Variants in CREBBP observed in about 807,000 individuals in gnomAD.
CREBBP encodes CREB binding lysine acetyltransferase, also known as CREB-binding protein.
Under a neutral mutation model 265.0 loss-of-function variants are expected in CREBBP, and 19 were observed. The ratio of observed to expected loss-of-function variants is 0.07; its 90% CI spans 0.05 to 0.11. CREBBP has a LOEUF of 0.11. Among genes scored for constraint, CREBBP ranks in the 10% least tolerant of loss-of-function variants. The probability of loss-of-function intolerance (pLI) is 1.00; values close to 1 mark genes in which losing one functional copy is unlikely to be tolerated. For synonymous variants in CREBBP, 1,457 were observed against 1,223.7 expected (o/e 1.19, Z -3.98); for missense variants, 2,525 against 3,219.0 (o/e 0.78, Z 5.22).
At chr16:3,755,024 G>A (rs1236421609) in intron 19 of CREBBP, among the ~76,000 whole-genome samples, 4 of 152,304 alleles carry the variant, frequency 2.6e-5, no homozygotes, top group Admixed American at 6.5e-5. Flanking sequence ...GCCTGTGATC[G>A]TCTGAGGAAC....
intron 2 of CREBBP, among the ~76,000 whole-genome samples, chr16:3,825,030 T>A (rs922424057): frequency 1.3e-5 from 2 of 152,198 alleles, no homozygotes; most frequent in African/African-American, 4.8e-5. Context: ...AAGATCTCTT[T>A]GCAAAAATAG....
Position 3,771,006 on chromosome 16 carries a change from T to C in CREBBP, c.2464-20A>G, listed in dbSNP as rs1271141201. ...CTGTCCCTACCAGAAATGGACAGAG[T>C]ATGGTAAAATTATTTCCCCCGTTTG... On this transcript the variant is annotated intron_variant, in intron 13 of 30. Coordinates refer to ENST00000262367, the MANE Select transcript of CREBBP (RefSeq NM_004380.3). 6.2e-7 allele frequency: 1 copy of C among 1,611,706 alleles called. No homozygotes were observed. The highest frequency in any genetic ancestry group is 1.3e-5 in the African/African-American group (1 of 74,826).
rs1351179827 is a variant in CREBBP at position 3,744,877 on chromosome 16, A to G, written c.3982+17T>C. The stretch of plus-strand genomic sequence containing the variant: ...AAAATGTGCAGTCCAGGAAACAGAA[A>G]GCTTCCCGAAACTTACTCTTAGCAC... On this transcript the variant is annotated intron_variant, in intron 23 of 30. Coordinates refer to ENST00000262367, the MANE Select transcript of CREBBP (RefSeq NM_004380.3). The G allele has an allele frequency of 1.9e-6, 3 of 1,601,086 alleles. No homozygotes were observed. The highest frequency in any genetic ancestry group is 3.3e-5 in the Admixed American group (2 of 60,008).
At chr16:3,782,475 C>T (rs1429864224) in intron 6 of CREBBP, among the ~76,000 whole-genome samples, 2 of 152,232 alleles carry the variant, frequency 1.3e-5, no homozygotes, top group Non-Finnish European at 2.9e-5. Flanking sequence ...GCAACAAAAA[C>T]ATTGCTTCAT....
intron 23 of CREBBP, chr16:3,742,105 A>G (rs28532818): frequency 6.6e-6 from 1 of 152,134 alleles, no homozygotes; most frequent in Non-Finnish European, 1.5e-5. Flanking sequence ...AACAAAAAAA[A>G]AACAAAAAAA....
chr16:3,761,583 C>G (rs2052719178), intron 16 of CREBBP: 1 of 518,576 alleles, frequency 1.9e-6, no homozygotes, highest in Non-Finnish European at 3.9e-6. Context: ...CTTGACCAAC[C>G]TCCGCAGACA....
At chr16:3,737,339 C>T (rs1171959685) in intron 26 of CREBBP, among the ~76,000 whole-genome samples, 1 of 152,086 alleles carries the variant, frequency 6.6e-6, no homozygotes, top group Non-Finnish European at 1.5e-5. Context: ...TGCAGGGTTC[C>T]GTTTACACAA....
In CREBBP at chr16:3,726,197, G is replaced by GA. The variant is rs200431216; in HGVS notation, c.*1520dup. On this transcript the variant is annotated 3_prime_UTR_variant, in exon 31 of 31. Transcript: ENST00000262367. ...GGGGGGAAGTCAGAAAGCACCTCGC[G>GA]AGCCTGGAGCACTCTCTGCCTCAGA... 9.9e-3 allele frequency: 2,267 copies of GA among 228,846 alleles called. 35 individuals are homozygous for GA. The highest frequency in any genetic ancestry group is 0.055 in the South Asian group (299 of 5,442). The allele number at this position is 228,846 out of a possible 1,614,324, so 14.2% of individuals were successfully genotyped here.
intron 2 of CREBBP, among the ~76,000 whole-genome samples, chr16:3,831,901 G>A (rs1245004386): frequency 1.3e-5 from 2 of 152,008 alleles, no homozygotes; most frequent in African/African-American, 4.8e-5. Flanking sequence ...GGAGGCTGAC[G>A]TGGGAGAACT....
chr16:3,734,112 A>G (rs967723269), intron 28 of CREBBP, among the ~76,000 whole-genome samples: 1 of 152,072 alleles, frequency 6.6e-6, no homozygotes, highest in Non-Finnish European at 1.5e-5. Flanking sequence ...ATTCCTCACG[A>G]AGCTGGGACT....
intron 14 of CREBBP, among the ~76,000 whole-genome samples, chr16:3,769,939 C>A (rs1227171979): frequency 2.0e-5 from 3 of 151,858 alleles, no homozygotes; most frequent in East Asian, 3.9e-4. Context: ...GGCGCAATCT[C>A]GGCTCGATAC....
intron 2 of CREBBP, among the ~76,000 whole-genome samples, chr16:3,835,332 A>C (rs964399792): frequency 2.0e-5 from 3 of 152,092 alleles, no homozygotes; most frequent in Admixed American, 6.6e-5. Flanking sequence ...TTTCCATCCC[A>C]GATTGTTTTC....
At chr16:3,781,387 C>A (rs2053271221) in intron 6 of CREBBP, 81 bp from the exon 7 acceptor site, 6 of 1,104,602 alleles carry the variant, frequency 5.4e-6, no homozygotes, top group Non-Finnish European at 8.1e-6. Context: ...AACCAACATG[C>A]CACCATATAA....
intron 2 of CREBBP, among the ~76,000 whole-genome samples, chr16:3,816,248 TATCA>T (rs1383861608): frequency 1.3e-4 from 20 of 152,210 alleles, no homozygotes; most frequent in African/African-American, 4.6e-4. Context: ...TGACCAAGCG[TATCA>T]ATCAATTAAC....
chr16:3,852,955 T>C (rs1207026792), intron 1 of CREBBP, among the ~76,000 whole-genome samples: 6 of 150,266 alleles, frequency 4.0e-5, no homozygotes, highest in South Asian at 2.1e-4. Context: ...CTTAGTATTA[T>C]CTGTAGCATC....
At chr16:3,789,774 A>AT (rs2053465140) in intron 5 of CREBBP, among the ~76,000 whole-genome samples, 1 of 152,214 alleles carries the variant, frequency 6.6e-6, no homozygotes, top group Non-Finnish European at 1.5e-5. Context: ...TTATAAAATC[A>AT]TCCTGGTAAT....
intron 16 of CREBBP, among the ~76,000 whole-genome samples, chr16:3,765,748 G>A (rs905492504): frequency 6.6e-6 from 1 of 152,114 alleles, no homozygotes; most frequent in Non-Finnish European, 1.5e-5. Flanking sequence ...CCCAGGCTCA[G>A]GTGATTCTCC....
At chr16:3,767,966 A>C (rs1392403688) in intron 15 of CREBBP, 57 bp from the exon 16 acceptor site, 1 of 1,537,338 alleles carries the variant, frequency 6.5e-7, no homozygotes, top group Non-Finnish European at 9.0e-7. Flanking sequence ...TGTTACCGCA[A>C]CCTCACGGGA....
At chr16:3,759,565 C>A (rs2052663178) in intron 16 of CREBBP, among the ~76,000 whole-genome samples, 1 of 137,620 alleles carries the variant, frequency 7.3e-6, no homozygotes, top group African/African-American at 3.4e-5. Context: ...CCAGCCTGGA[C>A]AACAAGAGCA....
Sources: allele counts gnomAD v4.1 joint callset (sites outside exome capture counted in the v4.1 genomes callset), GRCh38; gene constraint gnomAD v4.1.1; transcripts MANE v1.5; gene names NCBI Gene and HGNC (gene_info 2026-07-23, HGNC 2026-07-21).